The following FAM81B variants were observed in gnomAD, a reference collection of about 807,000 sequenced individuals.
FAM81B encodes family with sequence similarity 81 member B, also known as protein FAM81B.
A neutral mutation model predicts 58.7 loss-of-function variants in FAM81B; 60 were observed. That is an observed-to-expected ratio of 1.02 (90% CI 0.83 to 1.27). FAM81B has a LOEUF of 1.27. Ranked by LOEUF, FAM81B falls within the 50% of genes most tolerant of loss-of-function variation. FAM81B has a pLI of 0.00. For missense variants in FAM81B, 491 were observed against 522.0 expected (o/e 0.94, Z 0.58); for synonymous variants, 189 against 179.6 (o/e 1.05, Z -0.42).
rs1485659913 is a variant in FAM81B at position 95,391,448 on chromosome 5, G to T, written c.59G>T (p.Arg20Ile). ...ASSEKRKKSQRLFFKNIKSTK... is the reference protein window; with the variant it reads ...ASSEKRKKSQILFFKNIKSTK... ...TCAGAAAAAAGAAAAAAATCACAGAGATTGTTTTTCAAAAATATCAAATCT... is the reference window on the plus strand; with the variant it reads ...TCAGAAAAAAGAAAAAAATCACAGATATTGTTTTTCAAAAATATCAAATCT... Residue 20 changes from arginine to isoleucine, a missense_variant, in exon 1 of 10, where the codon AGA becomes ATA. Transcript: ENST00000283357. 5.6e-6 allele frequency: 9 copies of T among 1,613,682 alleles called. No homozygotes were observed. Among genetic ancestry groups the T allele is most frequent in the Non-Finnish European group, 7.6e-6 (9 of 1,179,760 alleles).
chr5:95,447,716 G>A (rs941296128), intron 8 of FAM81B, among the ~76,000 whole-genome samples: 1 of 152,228 alleles, frequency 6.6e-6, no homozygotes, highest in Non-Finnish European at 1.5e-5. Context: ...CTGTGGAGAA[G>A]TGAGGAGAAA....
intron 6 of FAM81B, 113 bp downstream of exon 6, chr5:95,428,845 C>CA: frequency 7.0e-7 from 1 of 1,423,562 alleles, no homozygotes; most frequent in Non-Finnish European, 9.7e-7. Context: ...TCTTTTCTTC[C>CA]AAAGGGTGTA....
chr5:95,420,607 C>G (rs905937047), intron 5 of FAM81B, among the ~76,000 whole-genome samples: 2 of 152,232 alleles, frequency 1.3e-5, no homozygotes, highest in Non-Finnish European at 2.9e-5. Flanking sequence ...AGACCCCTTA[C>G]ACAGTTTGAT....
At chr5:95,397,506 T>C (rs1761995342) in intron 3 of FAM81B, among the ~76,000 whole-genome samples, 1 of 152,242 alleles carries the variant, frequency 6.6e-6, no homozygotes, top group Non-Finnish European at 1.5e-5. Flanking sequence ...CGTCAAATTC[T>C]ATTACAAACC....
Position 95,446,590 on chromosome 5 carries a change from G to C in FAM81B, c.922G>C (p.Glu308Gln). Residue 308 changes from glutamate to glutamine, a missense_variant, in exon 8 of 10, where the codon GAA becomes CAA. Transcript: ENST00000283357. ...TCATTCACTTTCAAGTAATCTGTAC[G>C]AAGAAGTTGAGAATAATAAAAAATG... ...KFHSLSSNLY[E>Q]EVENNKKWTE... The C allele has an allele frequency of 1.2e-6, 2 of 1,609,998 alleles. No individual in the cohort carries two copies. Among genetic ancestry groups the C allele is most frequent in the East Asian group, 2.2e-5 (1 of 44,814 alleles).
At chr5:95,420,677 C>T (rs1361974671) in intron 5 of FAM81B, among the ~76,000 whole-genome samples, 2 of 152,026 alleles carry the variant, frequency 1.3e-5, no homozygotes, top group African/African-American at 2.4e-5. Context: ...TGCCAACATC[C>T]ATACATAGAC....
intron 6 of FAM81B, among the ~76,000 whole-genome samples, chr5:95,433,165 C>T (rs2152767951): frequency 6.6e-6 from 1 of 152,196 alleles, no homozygotes; most frequent in Middle Eastern, 3.4e-3. Flanking sequence ...AAGACATACC[C>T]AAGACCGGGT....
At chr5:95,434,816 G>A (rs1745037886) in intron 6 of FAM81B, among the ~76,000 whole-genome samples, 1 of 152,180 alleles carries the variant, frequency 6.6e-6, no homozygotes, top group South Asian at 2.1e-4. Flanking sequence ...CTTTTGATAT[G>A]TAATGTTTCC....
intron 3 of FAM81B, among the ~76,000 whole-genome samples, chr5:95,410,545 C>A (rs1762379450): frequency 6.6e-6 from 1 of 152,170 alleles, no homozygotes; most frequent in Non-Finnish European, 1.5e-5. Flanking sequence ...TTGGCTCATG[C>A]AATGGGAACA....
chr5:95,440,508 C>A, intron 7 of FAM81B: 2 of 588,060 alleles, frequency 3.4e-6, no homozygotes, highest in Admixed American at 2.2e-5. Flanking sequence ...TTGCTTTAGA[C>A]AAAATATTAT....
At chr5:95,423,789 A>G (rs1322027720) in intron 5 of FAM81B, among the ~76,000 whole-genome samples, 1 of 152,194 alleles carries the variant, frequency 6.6e-6, no homozygotes, top group Admixed American at 6.5e-5. Flanking sequence ...ACTGACCACA[A>G]ACAGAGCACA....
chr5:95,418,606 C>G (rs1177230601), intron 4 of FAM81B, among the ~76,000 whole-genome samples: 1 of 152,028 alleles, frequency 6.6e-6, no homozygotes, highest in Non-Finnish European at 1.5e-5. Flanking sequence ...TGATAAATAA[C>G]TTTATCATAG....
intron 7 of FAM81B, among the ~76,000 whole-genome samples, chr5:95,441,066 C>T (rs1561313859): frequency 6.6e-6 from 1 of 152,154 alleles, no homozygotes; most frequent in Non-Finnish European, 1.5e-5. Flanking sequence ...CCACCATCCT[C>T]ATTAGTAAAT....
At chr5:95,435,132 C>A (rs1344701940) in intron 6 of FAM81B, among the ~76,000 whole-genome samples, 1 of 152,164 alleles carries the variant, frequency 6.6e-6, no homozygotes, top group Non-Finnish European at 1.5e-5. Context: ...TAGGCACGGC[C>A]TGTAGAAAGC....
At chr5:95,411,503 T>C (rs1762404725) in intron 3 of FAM81B, among the ~76,000 whole-genome samples, 1 of 152,174 alleles carries the variant, frequency 6.6e-6, no homozygotes, top group African/African-American at 2.4e-5. Context: ...GTCATATGGG[T>C]ATAATGTTAT....
At chr5:95,435,461 A>T (rs943467518) in intron 6 of FAM81B, among the ~76,000 whole-genome samples, 6 of 152,214 alleles carry the variant, frequency 3.9e-5, no homozygotes, top group African/African-American at 1.4e-4. Context: ...GCACTGGGAA[A>T]AAATGAATGC....
chr5:95,411,640 A>T (rs868456760), intron 3 of FAM81B, among the ~76,000 whole-genome samples: 62 of 152,316 alleles, frequency 4.1e-4, no homozygotes, highest in Middle Eastern at 6.8e-3. Context: ...ACGATAACCT[A>T]AGTCTTTTGA....
chr5:95,415,267 G>C (rs1043331613), intron 4 of FAM81B, among the ~76,000 whole-genome samples: 3 of 152,174 alleles, frequency 2.0e-5, no homozygotes, highest in Non-Finnish European at 4.4e-5. Flanking sequence ...GTTATCATGA[G>C]AATTGACAAC....
At chr5:95,399,500 GA>G (rs1419033803) in intron 3 of FAM81B, among the ~76,000 whole-genome samples, 1 of 148,734 alleles carries the variant, frequency 6.7e-6, no homozygotes, top group African/African-American at 2.6e-5. Flanking sequence ...ACCCACCTGT[GA>G]TGGGCAAGGC....
Sources: gnomAD v4.1 joint callset for allele counts (sites outside exome capture counted in the v4.1 genomes callset) on GRCh38, gnomAD v4.1.1 for gene constraint, MANE v1.5 for transcripts, NCBI Gene and HGNC (gene_info 2026-07-23, HGNC 2026-07-21) for gene names.